CREBBP: variants seen among roughly 807,000 people sequenced by gnomAD.
The protein encoded by CREBBP is CREB-binding protein.
A neutral mutation model predicts 265.0 loss-of-function variants in CREBBP; 19 were observed. That is an observed-to-expected ratio of 0.07 (90% CI 0.05 to 0.11). CREBBP has a LOEUF of 0.11. Among genes scored for constraint, CREBBP ranks in the 10% least tolerant of loss-of-function variants. The pLI, the probability that CREBBP is intolerant of heterozygous loss-of-function variation, is 1.00. For synonymous variants in CREBBP, 1,457 were observed against 1,223.7 expected (o/e 1.19, Z -3.98); for missense variants, 2,525 against 3,219.0 (o/e 0.78, Z 5.22).
intron 3 of CREBBP, among the ~76,000 whole-genome samples, chr16:3,805,413 G>T (rs774267571): frequency 5.9e-5 from 9 of 152,206 alleles, no homozygotes; most frequent in Non-Finnish European, 1.3e-4. Context: ...TTAGTCCTAG[G>T]ATAGAGGGAG....
At chr16:3,822,833 C>A (rs575313845) in intron 2 of CREBBP, among the ~76,000 whole-genome samples, 2 of 152,268 alleles carry the variant, frequency 1.3e-5, no homozygotes, top group African/African-American at 4.8e-5. Flanking sequence ...CTGGTGATGT[C>A]AGCGAGGAGA....
intron 1 of CREBBP, among the ~76,000 whole-genome samples, chr16:3,861,694 ATATT>A (rs2055077849): frequency 6.6e-6 from 1 of 151,422 alleles, no homozygotes; most frequent in Non-Finnish European, 1.5e-5. Flanking sequence ...TGTTTTATTA[ATATT>A]TATGCCATCG....
intron 11 of CREBBP, 94 bp from the exon 12 acceptor site, chr16:3,774,787 G>C (rs2053097168): frequency 6.7e-7 from 1 of 1,486,118 alleles, no homozygotes; most frequent in Non-Finnish European, 9.3e-7. Context: ...AAATAAGATG[G>C]AACGCACAGG....
rs998832657 is a variant in CREBBP, at chr16:3,727,519, AAG to A, written c.*197_*198del. The A allele has an allele frequency of 1.5e-5, 3 of 205,180 alleles. No homozygotes were observed. The highest frequency in any genetic ancestry group is 4.2e-4 in the East Asian group (2 of 4,740). The allele number at this position is 205,180 out of a possible 1,614,324, so 12.7% of individuals were successfully genotyped here. On this transcript the variant is annotated 3_prime_UTR_variant, in exon 31 of 31. Transcript: ENST00000262367. ...CCACCCCCCCGCCAAAAAAAAACCA[AAG>A]AGAGAGACCAGATATTTAAATCAAC...
intron 1 of CREBBP, among the ~76,000 whole-genome samples, chr16:3,856,400 C>T (rs749737110): frequency 3.3e-5 from 5 of 152,168 alleles, no homozygotes; most frequent in South Asian, 4.1e-4. Context: ...ATGCAGCTTC[C>T]GCCCTGCACC....
intron 2 of CREBBP, among the ~76,000 whole-genome samples, chr16:3,849,077 A>T (rs2054728004): frequency 1.3e-5 from 2 of 152,170 alleles, no homozygotes; most frequent in African/African-American, 4.8e-5. Flanking sequence ...AAATCCAAAG[A>T]ACAGCCCAAA....
chr16:3,744,876 A>G lies in CREBBP; in HGVS notation c.3982+18T>C. ...TAAAATGTGCAGTCCAGGAAACAGA[A>G]AGCTTCCCGAAACTTACTCTTAGCA... On this transcript the variant is annotated intron_variant, in intron 23 of 30. Transcript: ENST00000262367. 1 of 1,598,966 alleles carries G rather than the reference A, an allele frequency of 6.3e-7. No homozygotes were observed.
chr16:3,852,471 G>A (rs1332951700), intron 1 of CREBBP, among the ~76,000 whole-genome samples: 3 of 151,982 alleles, frequency 2.0e-5, no homozygotes, highest in South Asian at 2.1e-4. Flanking sequence ...GTGCCCGGCC[G>A]ATTACATTAT....
At position 3,734,789 on chromosome 16, in the gene CREBBP, T is replaced by C. The variant is rs891398897; in HGVS notation, c.4728+1247A>G. On this transcript the variant is annotated intron_variant, in intron 28 of 30. Transcript: ENST00000262367. ...CCTGTGCAGTGAGCACGAGTGTGTG[T>C]GGCGGAAGCGGCCCAGGCCCCACGC... Among the ~76,000 whole-genome samples, 7 of 152,148 alleles carry C rather than the reference T, an allele frequency of 4.6e-5. No individual in the cohort carries two copies. The East Asian group carries it at 7.7e-4, about 17-fold the overall frequency.
chr16:3,855,361 G>T (rs528624927), intron 1 of CREBBP, among the ~76,000 whole-genome samples: 1 of 152,254 alleles, frequency 6.6e-6, no homozygotes, highest in African/African-American at 2.4e-5. Context: ...TTTGCCTCCC[G>T]GGTTCAAGCA....
intron 2 of CREBBP, among the ~76,000 whole-genome samples, chr16:3,843,525 A>C (rs1352101158): frequency 6.6e-6 from 1 of 151,812 alleles, no homozygotes; most frequent in Admixed American, 6.6e-5. Flanking sequence ...GGCTCAAGCA[A>C]TCCACCTGCT....
At position 3,861,402 on chromosome 16, in the gene CREBBP, T is replaced by A. The variant is rs146854484; in HGVS notation, c.86-10393A>T. 1.1e-4 allele frequency among the ~76,000 whole-genome samples: 16 copies of A among 152,334 alleles called. No individual in the cohort carries two copies. The East Asian group carries it at 2.9e-3, about 28-fold the overall frequency. On this transcript the variant is annotated intron_variant, in intron 1 of 30. Transcript: ENST00000262367. ...GTAAGGACTCAAAAAATATTAGTCA[T>A]TACTATCACTGTCCCAATCCCATCT...
At chr16:3,794,736 TAG>T (rs2053575135) in intron 3 of CREBBP, among the ~76,000 whole-genome samples, 2 of 152,226 alleles carry the variant, frequency 1.3e-5, no homozygotes, top group Non-Finnish European at 2.9e-5. Context: ...AGGGGACCCA[TAG>T]AGTCTTCTTC....
chr16:3,757,615 T>C (rs2052617535), intron 18 of CREBBP, among the ~76,000 whole-genome samples, 194 bp downstream of exon 18: 1 of 152,156 alleles, frequency 6.6e-6, no homozygotes, highest in Non-Finnish European at 1.5e-5. Flanking sequence ...CGCTTCCCCA[T>C]GGCCTCCCTC....
rs780733995 is a variant in CREBBP at position 3,870,426 on chromosome 16, T to C, written c.85+9406A>G. ...TATTTATAATTTCTCTGCATTTACT[T>C]TTCCCTTTTCTCTAAGTCCTAATCT... On this transcript the variant is annotated intron_variant, in intron 1 of 30. Transcript: ENST00000262367. 2.0e-5 allele frequency among the ~76,000 whole-genome samples: 3 copies of C among 152,220 alleles called. No homozygotes were observed. The East Asian group carries it at 5.8e-4, about 29-fold the overall frequency.
intron 1 of CREBBP, among the ~76,000 whole-genome samples, chr16:3,872,391 C>G (rs958142837): frequency 6.6e-6 from 1 of 152,140 alleles, no homozygotes. Context: ...GGACTCTGCT[C>G]GTGGCCTATT....
intron 1 of CREBBP, among the ~76,000 whole-genome samples, chr16:3,851,288 C>CAAAAAAAAAAAAAAAAATAAA: frequency 4.4e-5 from 1 of 22,864 alleles, no homozygotes; most frequent in Non-Finnish European, 9.1e-5. Flanking sequence ...AACACCGTCT[C>CAAAAAAAAAAAAAAAAATAAA]AAAAAAAAAA....
At position 3,740,569 on chromosome 16, in the gene CREBBP, C is replaced by G. The variant is rs200005528; in HGVS notation, c.3983-20G>C. Reference sequence around the variant, plus strand: ...GCAGCCCTAGGAAGTCCAGAAGGAGCAGGTGAGAGGGCTTCAACAGCACTG... The same window carrying G: ...GCAGCCCTAGGAAGTCCAGAAGGAGGAGGTGAGAGGGCTTCAACAGCACTG... On this transcript the variant is annotated intron_variant, in intron 23 of 30. Transcript: ENST00000262367. The G allele has an allele frequency of 1.1e-5, 18 of 1,613,950 alleles. No homozygotes were observed. Among genetic ancestry groups the G allele is most frequent in the Non-Finnish European group, 8.5e-7 (1 of 1,179,988 alleles).
chr16:3,790,609 CAA>C (rs1426454132), intron 5 of CREBBP, among the ~76,000 whole-genome samples: 1 of 152,096 alleles, frequency 6.6e-6, no homozygotes, highest in Non-Finnish European at 1.5e-5. Context: ...CTCGGCCTCC[CAA>C]AGTGTTGGGA....
Sources: allele counts gnomAD v4.1 joint callset (sites outside exome capture counted in the v4.1 genomes callset), GRCh38; gene constraint gnomAD v4.1.1; transcripts MANE v1.5; gene names NCBI Gene and HGNC (gene_info 2026-07-23, HGNC 2026-07-21).